LRRC4C: variants seen among roughly 807,000 people sequenced by gnomAD.
LRRC4C encodes leucine rich repeat containing 4C.
LRRC4C carries 5 observed loss-of-function variants against 33.6 expected under a neutral mutation model. The observed-to-expected ratio is 0.15, with a 90% CI of 0.08 to 0.31. The LOEUF (loss-of-function observed/expected upper bound fraction) is 0.31, where lower values mean the gene tolerates loss of function less well. Ranked by LOEUF, LRRC4C falls within the 10% of genes least tolerant of loss-of-function variation. The probability of loss-of-function intolerance (pLI) is 1.00; values close to 1 mark genes in which losing one functional copy is unlikely to be tolerated. For synonymous variants in LRRC4C, 329 were observed against 302.0 expected (o/e 1.09, Z -0.93); for missense variants, 560 against 796.7 (o/e 0.70, Z 3.58).
chr11:40,763,275 C>G (rs1949310582), intron 2 of LRRC4C, among the ~76,000 whole-genome samples: 1 of 151,928 alleles, frequency 6.6e-6, no homozygotes, highest in South Asian at 2.1e-4. Flanking sequence ...CCCATCTGGT[C>G]TGTGTCTCCT....
intron 3 of LRRC4C, among the ~76,000 whole-genome samples, chr11:40,582,734 C>T (rs1214834192): frequency 6.6e-6 from 1 of 151,974 alleles, no homozygotes; most frequent in Non-Finnish European, 1.5e-5. Context: ...CCAGGTGGGT[C>T]TCGAACTCCT....
At chr11:41,328,901 G>A (rs181011780) in intron 1 of LRRC4C, among the ~76,000 whole-genome samples, 1 of 152,266 alleles carries the variant, frequency 6.6e-6, no homozygotes, top group East Asian at 1.9e-4. Context: ...TGGGAAAACT[G>A]AGTCCCATAA....
chr11:41,170,199 A>G (rs1159185080), intron 1 of LRRC4C, among the ~76,000 whole-genome samples: 1 of 152,224 alleles, frequency 6.6e-6, no homozygotes, highest in Non-Finnish European at 1.5e-5. Flanking sequence ...TTATAGATTC[A>G]ATGCCATCCC....
rs1955673417 is a variant in LRRC4C, at chr11:41,442,668, A to T, written c.-496+16763T>A. On this transcript the variant is annotated intron_variant, in intron 1 of 6. Transcript: ENST00000528697. The stretch of plus-strand genomic sequence containing the variant: ...GTATTTTTAGTAGAGACGGGGTTTC[A>T]CTGTGTTAGCCAGGATGGTCTCGAT... Among the ~76,000 whole-genome samples, 5 of 151,498 alleles carry T rather than the reference A, an allele frequency of 3.3e-5. No individual in the cohort carries two copies. In the South Asian group the frequency reaches 1.0e-3, roughly 32 times the overall value.
intron 2 of LRRC4C, among the ~76,000 whole-genome samples, chr11:40,827,170 T>C (rs1169578212): frequency 6.6e-6 from 1 of 151,880 alleles, no homozygotes; most frequent in Non-Finnish European, 1.5e-5. Context: ...TACTGAAATG[T>C]CAATATTTAA....
intron 3 of LRRC4C, among the ~76,000 whole-genome samples, chr11:40,535,649 T>C (rs888312893): frequency 5.3e-5 from 8 of 152,216 alleles, no homozygotes; most frequent in Admixed American, 5.2e-4. Flanking sequence ...TGACTTGATT[T>C]AGATTTGTAC....
At chr11:41,261,417 A>T (rs1427838402) in intron 1 of LRRC4C, among the ~76,000 whole-genome samples, 1 of 152,100 alleles carries the variant, frequency 6.6e-6, no homozygotes, top group East Asian at 1.9e-4. Flanking sequence ...ACTGGGTGAC[A>T]TTAGACACAT....
chr11:40,739,426 G>C (rs1034223996), intron 2 of LRRC4C, among the ~76,000 whole-genome samples: 2 of 151,528 alleles, frequency 1.3e-5, no homozygotes, highest in African/African-American at 2.4e-5. Flanking sequence ...TCCATTCTCT[G>C]TGTGTGTGTG....
intron 1 of LRRC4C, among the ~76,000 whole-genome samples, chr11:41,201,099 TCC>T (rs1946382285): frequency 6.6e-6 from 1 of 152,202 alleles, no homozygotes; most frequent in Non-Finnish European, 1.5e-5. Context: ...GACTTCTCCC[TCC>T]CTACAATGTG....
chr11:40,462,544 T>C (rs1274034742), intron 3 of LRRC4C, among the ~76,000 whole-genome samples: 1 of 152,070 alleles, frequency 6.6e-6, no homozygotes, highest in Non-Finnish European at 1.5e-5. Flanking sequence ...TGTAAACCTA[T>C]TGAGATAAGA....
chr11:41,000,117 G>A (rs1396404041), intron 1 of LRRC4C, among the ~76,000 whole-genome samples: 2 of 152,158 alleles, frequency 1.3e-5, no homozygotes, highest in African/African-American at 4.8e-5. Context: ...TAGTTCCCAT[G>A]CCTCGCTCAT....
At chr11:41,225,708 A>T (rs1373696514) in intron 1 of LRRC4C, among the ~76,000 whole-genome samples, 1 of 152,128 alleles carries the variant, frequency 6.6e-6, no homozygotes, top group Non-Finnish European at 1.5e-5. Context: ...AGAATATTTG[A>T]TCTTTTTTCA....
At chr11:41,449,213 A>C (rs537249762) in intron 1 of LRRC4C, among the ~76,000 whole-genome samples, 1 of 152,316 alleles carries the variant, frequency 6.6e-6, no homozygotes, top group African/African-American at 2.4e-5. Flanking sequence ...AGATTTGAAA[A>C]GGTTTGAAGA....
intron 2 of LRRC4C, among the ~76,000 whole-genome samples, chr11:40,921,434 TC>T (rs1048415750): frequency 6.6e-5 from 10 of 152,070 alleles, no homozygotes; most frequent in African/African-American, 2.2e-4. Flanking sequence ...AAAAGCTCAG[TC>T]CTACAGCTGC....
At chr11:40,117,146 CCAGAGAATATGATCT>C (rs143082316) in intron 6 of LRRC4C, among the ~76,000 whole-genome samples, 2,218 of 152,202 alleles carry the variant, frequency 0.015, 61 homozygotes, top group African/African-American at 0.051. Flanking sequence ...TAGACTGATC[CCAGAGAATATGATCT>C]CAGATGGTCC....
At position 40,462,861 on chromosome 11, in the gene LRRC4C, T is replaced by G. The variant is rs61065846; in HGVS notation, c.-269-143140A>C. On this transcript the variant is annotated intron_variant, in intron 3 of 6. Coordinates refer to ENST00000528697, the MANE Select transcript of LRRC4C (RefSeq NM_001258419.2). ...ATCTAAACCTCCTTAGGTTTTATCC[T>G]AAAGAACCTAAATGGATGGTCCTAC... Among the ~76,000 whole-genome samples the G allele has an allele frequency of 2.6e-5, 4 of 151,952 alleles. No individual in the cohort carries two copies. In the East Asian group the frequency reaches 7.7e-4, roughly 29 times the overall value.
At chr11:41,234,359 C>A (rs937367689) in intron 1 of LRRC4C, among the ~76,000 whole-genome samples, 1 of 151,812 alleles carries the variant, frequency 6.6e-6, no homozygotes, top group Non-Finnish European at 1.5e-5. Flanking sequence ...CTTATCATTT[C>A]TTTTTTGGTG....
chr11:41,125,753 C>A (rs1942705622), intron 1 of LRRC4C, among the ~76,000 whole-genome samples: 1 of 152,084 alleles, frequency 6.6e-6, no homozygotes, highest in African/African-American at 2.4e-5. Context: ...CAACCCACAG[C>A]AAGGACATTC....
intron 4 of LRRC4C, among the ~76,000 whole-genome samples, chr11:40,316,456 T>C (rs987761082): frequency 1.3e-5 from 2 of 151,914 alleles, no homozygotes; most frequent in African/African-American, 4.8e-5. Flanking sequence ...TCTCAGTCCC[T>C]CTACTAGCAA....
Sources: allele counts gnomAD v4.1 joint callset (sites outside exome capture counted in the v4.1 genomes callset), GRCh38; gene constraint gnomAD v4.1.1; transcripts MANE v1.5; gene names NCBI Gene and HGNC (gene_info 2026-07-23, HGNC 2026-07-21).